Variants in NAALADL2 observed in about 807,000 individuals in gnomAD.
The protein encoded by NAALADL2 is inactive N-acetylated-alpha-linked acidic dipeptidase-like protein 2.
In NAALADL2, 76 loss-of-function variants were observed where a neutral mutation model predicts 87.2. The observed-to-expected ratio is 0.87, with a 90% CI of 0.72 to 1.05. The LOEUF (loss-of-function observed/expected upper bound fraction) is 1.05. NAALADL2 is among the 50% of genes least tolerant of loss of function. The probability of loss-of-function intolerance (pLI) is 0.00; values close to 1 mark genes in which losing one functional copy is unlikely to be tolerated. For missense variants in NAALADL2, 1,089 were observed against 945.8 expected (o/e 1.15, Z -1.99); for synonymous variants, 354 against 331.0 (o/e 1.07, Z -0.75).
intron 1 of NAALADL2, among the ~76,000 whole-genome samples, chr3:174,883,350 A>G (rs1306559219): frequency 1.3e-5 from 2 of 152,152 alleles, no homozygotes; most frequent in Non-Finnish European, 2.9e-5. Context: ...ACCTGAATCC[A>G]TACACATCTC....
rs189449535 is a variant in NAALADL2 at position 175,114,774 on chromosome 3, G to A, written c.545+17483G>A. ...ATTATGCCTGCAATATGAAGATTGA[G>A]ACATTATTTATTACATAGTGCTTGT... is the stretch of plus-strand genomic sequence containing the variant. On this transcript the variant is annotated intron_variant, in intron 2 of 13. Transcript: ENST00000454872. Among the ~76,000 whole-genome samples, 304 of 151,702 alleles carry A rather than the reference G, an allele frequency of 2.0e-3. 1 individual carries two copies. The highest frequency in any genetic ancestry group is 7.1e-3 in the African/African-American group (293 of 41,462).
At chr3:174,799,973 G>C (rs1036007838) in intron 3 of NAALADL2, among the ~76,000 whole-genome samples, 1 of 151,438 alleles carries the variant, frequency 6.6e-6, no homozygotes, top group African/African-American at 2.4e-5. Context: ...GTGGAACTTT[G>C]AACTTCAGAG....
At chr3:175,223,544 T>C (rs1743715893) in intron 2 of NAALADL2, among the ~76,000 whole-genome samples, 2 of 152,128 alleles carry the variant, frequency 1.3e-5, no homozygotes, top group African/African-American at 4.8e-5. Context: ...GATGGACACT[T>C]GGGTTGTTTT....
chr3:174,784,477 A>G (rs547776389), intron 3 of NAALADL2, among the ~76,000 whole-genome samples: 128 of 152,314 alleles, frequency 8.4e-4, no homozygotes, highest in African/African-American at 3.0e-3. Flanking sequence ...ACTATATACA[A>G]TGTGCCTCAG....
At chr3:174,642,068 G>A (rs1723249656) in intron 2 of NAALADL2, among the ~76,000 whole-genome samples, 2 of 152,086 alleles carry the variant, frequency 1.3e-5, no homozygotes, top group South Asian at 4.1e-4. Flanking sequence ...ACTTGGATTT[G>A]TTTCTGTTTT....
At chr3:174,754,755 A>G (rs1407259983) in intron 3 of NAALADL2, among the ~76,000 whole-genome samples, 1 of 152,192 alleles carries the variant, frequency 6.6e-6, no homozygotes, top group Non-Finnish European at 1.5e-5. Flanking sequence ...TAGGGTTAAC[A>G]TCTATAATTG....
intron 3 of NAALADL2, among the ~76,000 whole-genome samples, chr3:174,754,856 T>C (rs1205976841): frequency 3.9e-5 from 6 of 152,328 alleles, no homozygotes; most frequent in Non-Finnish European, 8.8e-5. Context: ...CACTTAGTCC[T>C]TGCTACCATT....
At chr3:174,867,050 G>T (rs1727233971) in intron 1 of NAALADL2, among the ~76,000 whole-genome samples, 1 of 151,552 alleles carries the variant, frequency 6.6e-6, no homozygotes, top group Non-Finnish European at 1.5e-5. Flanking sequence ...AACATAATCT[G>T]CAATTAAGTT....
At chr3:174,716,015 A>G (rs1731149339) in intron 2 of NAALADL2, among the ~76,000 whole-genome samples, 1 of 152,066 alleles carries the variant, frequency 6.6e-6, no homozygotes, top group Admixed American at 6.6e-5. Flanking sequence ...TCATGTTTGC[A>G]TGCATCTTAC....
chr3:175,133,670 C>T (rs1018478694), intron 2 of NAALADL2, among the ~76,000 whole-genome samples: 1 of 152,098 alleles, frequency 6.6e-6, no homozygotes, highest in Non-Finnish European at 1.5e-5. Flanking sequence ...CAGATGGCAG[C>T]AGTACAGTCC....
At chr3:174,709,070 A>G (rs888905387) in intron 2 of NAALADL2, among the ~76,000 whole-genome samples, 2 of 152,128 alleles carry the variant, frequency 1.3e-5, no homozygotes, top group Admixed American at 6.5e-5. Flanking sequence ...ACAACATCAT[A>G]TGGTGCTTGA....
intron 2 of NAALADL2, among the ~76,000 whole-genome samples, chr3:175,172,983 T>C (rs1735081213): frequency 6.6e-6 from 1 of 152,082 alleles, no homozygotes; most frequent in African/African-American, 2.4e-5. Context: ...TATTCGATGC[T>C]GGTGTCTTTA....
rs571614510 is a variant in NAALADL2 at position 175,001,811 on chromosome 3, C to T, written c.44-94979C>T. ...GTTGAGCATCCTAAGCTGAAAACCC[C>T]AAATCTAAAACTTTTTTAGTGCCAA... On this transcript the variant is annotated intron_variant, in intron 1 of 13. Coordinates refer to ENST00000454872, the MANE Select transcript of NAALADL2 (RefSeq NM_207015.3). Among the ~76,000 whole-genome samples the T allele has an allele frequency of 7.9e-5, 12 of 152,190 alleles. No individual in the cohort carries two copies. The South Asian group carries it at 1.0e-3, about 13-fold the overall frequency.
intron 1 of NAALADL2, among the ~76,000 whole-genome samples, chr3:174,917,229 A>C (rs1445105235): frequency 6.6e-6 from 1 of 152,142 alleles, no homozygotes; most frequent in Admixed American, 6.5e-5. Context: ...AAAAGTTACT[A>C]CAATGATCCT....
At chr3:174,861,954 T>G (rs1726560848) in intron 1 of NAALADL2, among the ~76,000 whole-genome samples, 2 of 151,940 alleles carry the variant, frequency 1.3e-5, no homozygotes, top group Admixed American at 1.3e-4. Flanking sequence ...TTGAGCTGTG[T>G]GAACAGATTT....
chr3:174,776,187 T>C (rs191500024), intron 3 of NAALADL2, among the ~76,000 whole-genome samples: 2 of 152,260 alleles, frequency 1.3e-5, no homozygotes, highest in East Asian at 3.9e-4. Flanking sequence ...TTTTCTCTTT[T>C]GGCATGCAAT....
intron 2 of NAALADL2, among the ~76,000 whole-genome samples, chr3:174,641,343 C>T (rs1186779704): frequency 6.6e-6 from 1 of 152,192 alleles, no homozygotes; most frequent in African/African-American, 2.4e-5. Context: ...TACACAGAAG[C>T]CATGTGGTGA....
chr3:174,845,921 C>T (rs990153640), intron 3 of NAALADL2, among the ~76,000 whole-genome samples: 7 of 152,160 alleles, frequency 4.6e-5, no homozygotes, highest in South Asian at 4.1e-4. Context: ...GGGCAGGACG[C>T]GTTGCACCTG....
At chr3:174,882,996 G>A (rs575011496) in intron 1 of NAALADL2, among the ~76,000 whole-genome samples, 3 of 151,882 alleles carry the variant, frequency 2.0e-5, no homozygotes, top group South Asian at 2.1e-4. Context: ...CCGTCTGTAG[G>A]CTAAGGAGCA....
Sources: gnomAD v4.1 joint callset for allele counts (sites outside exome capture counted in the v4.1 genomes callset) on GRCh38, gnomAD v4.1.1 for gene constraint, MANE v1.5 for transcripts, NCBI Gene and HGNC (gene_info 2026-07-23, HGNC 2026-07-21) for gene names.